The following NFKB1 variants were observed in gnomAD, a reference collection of about 807,000 sequenced individuals.
The protein encoded by NFKB1 is nuclear factor kappa B subunit 1, also known as nuclear factor NF-kappa-B p105 subunit.
A neutral mutation model predicts 105.1 loss-of-function variants in NFKB1; 9 were observed. That is an observed-to-expected ratio of 0.09 (90% confidence interval 0.05 to 0.15). NFKB1 has a LOEUF of 0.15. NFKB1 is among the 10% of genes least tolerant of loss of function. The pLI is 1.00. For missense variants in NFKB1, 830 were observed against 1,203.7 expected, an observed-to-expected ratio of 0.69 and a Z score of 4.59; for synonymous variants, 440 against 442.2, an observed-to-expected ratio of 1.00 and a Z score of 0.06.
At chr4:102,582,749 T>G (rs993311784) in intron 9 of NFKB1, 117 bp from the exon 10 acceptor site, 1 of 577,356 alleles carries the variant, frequency 1.7e-6, no homozygotes, top group Non-Finnish European at 2.9e-6. Context: ...TTGATCTTGT[T>G]TTTTAAAAGT....
At chr4:102,592,732 C>G (rs1726276049) in intron 11 of NFKB1, among the ~76,000 whole-genome samples, 1 of 152,162 alleles carries the variant, frequency 6.6e-6, no homozygotes, top group Non-Finnish European at 1.5e-5. Context: ...ACTAAACTTT[C>G]ACTTCAGCCA....
rs185987863 is a variant in NFKB1, at chr4:102,503,300, A to G, written c.-8+1512A>G. On this transcript the variant is annotated intron_variant, in intron 1 of 23. Coordinates refer to ENST00000226574, the MANE Select transcript of NFKB1 (RefSeq NM_003998.4). ...TTGGAATCTGAGATTATTCATCCAT[A>G]TTGATACACCTGCAATTCCTAAATG... The G allele has an allele frequency of 9.9e-5, 15 of 152,076 alleles. No homozygotes were observed. In the East Asian group the frequency reaches 2.9e-3, roughly 30 times the overall value. The allele number at this position is 152,076 out of a possible 1,614,324, so 9.4% of individuals were successfully genotyped here. A position where few individuals can be genotyped will look rare whatever the true frequency, so the allele number is the denominator to read the frequency against.
rs779124692 is a variant in NFKB1, at chr4:102,607,129, G to A, written c.1955-21G>A. Reference sequence around the variant, plus strand: ...GAGTTAGCCATCCCATCCTGTGACTGTCCCTTTGCTTGGACTCTAGGTCTG... The same window carrying A: ...GAGTTAGCCATCCCATCCTGTGACTATCCCTTTGCTTGGACTCTAGGTCTG... On this transcript the variant is annotated intron_variant, in intron 17 of 23. Coordinates refer to ENST00000226574, the MANE Select transcript of NFKB1 (RefSeq NM_003998.4). 1.9e-6 allele frequency: 3 copies of A among 1,613,888 alleles called. No individual in the cohort carries two copies. In the South Asian group the frequency reaches 3.3e-5, roughly 18 times the overall value.
intron 16 of NFKB1, among the ~76,000 whole-genome samples, chr4:102,602,627 G>A (rs1035086480): frequency 4.0e-5 from 6 of 151,864 alleles, no homozygotes; most frequent in African/African-American, 1.5e-4. Context: ...TTTTACCTGT[G>A]ACTAGGTAAA....
At chr4:102,614,719 C>G (rs766537097) in intron 23 of NFKB1, among the ~76,000 whole-genome samples, 2 of 152,038 alleles carry the variant, frequency 1.3e-5, no homozygotes, top group African/African-American at 4.8e-5. Flanking sequence ...TGACGCCTAC[C>G]TTCAACTTCA....
intron 16 of NFKB1, among the ~76,000 whole-genome samples, chr4:102,606,180 T>A (rs1727702725): frequency 6.6e-6 from 1 of 152,256 alleles, no homozygotes; most frequent in South Asian, 2.1e-4. Context: ...TTAATCATTT[T>A]ATGTTGTAAA....
At chr4:102,549,225 C>A (rs981394752) in intron 5 of NFKB1, among the ~76,000 whole-genome samples, 1 of 151,942 alleles carries the variant, frequency 6.6e-6, no homozygotes, top group Admixed American at 6.6e-5. Flanking sequence ...TTATACACTT[C>A]TGCACAAAAG....
At chr4:102,580,465 C>T in intron 8 of NFKB1, 70 bp from the exon 9 acceptor site, 2 of 1,254,194 alleles carry the variant, frequency 1.6e-6, no homozygotes, top group Non-Finnish European at 2.3e-6. Context: ...AGGGGAGGGT[C>T]CTACCTAAAG....
At chr4:102,584,105 A>C (rs1428725903) in intron 10 of NFKB1, among the ~76,000 whole-genome samples, 1 of 152,196 alleles carries the variant, frequency 6.6e-6, no homozygotes, top group Non-Finnish European at 1.5e-5. Flanking sequence ...AGAATGTCAA[A>C]GAGAATACCA....
intron 18 of NFKB1, 45 bp from the exon 19 acceptor site, chr4:102,607,604 A>G (rs765640905): frequency 1.3e-6 from 2 of 1,595,456 alleles, no homozygotes; most frequent in Non-Finnish European, 1.7e-6. Flanking sequence ...ACAAAAGGGC[A>G]AAAGAACCTT....
chr4:102,570,191 T>C (rs1724212893), intron 6 of NFKB1, among the ~76,000 whole-genome samples: 1 of 151,936 alleles, frequency 6.6e-6, no homozygotes, highest in African/African-American at 2.4e-5. Context: ...GCACTAGGAG[T>C]AGATATATAA....
chr4:102,576,761 A>T (rs1351832032), intron 6 of NFKB1, 115 bp from the exon 7 acceptor site: 24 of 1,104,632 alleles, frequency 2.2e-5, no homozygotes, highest in Non-Finnish European at 3.0e-5. Context: ...GATTTGTATA[A>T]AGCATTGAGG....
Position 102,578,878 on chromosome 4 carries a change from T to C in NFKB1, c.572-3T>C, listed in dbSNP as rs1158700648. ...ATGAATGGACTGTGCTGTATGGCCC[T>C]AGATCGGGAAAAAGAGCTAATCCGC... is the stretch of plus-strand genomic sequence containing the variant. On this transcript the variant is annotated splice_region_variant and splice_polypyrimidine_tract_variant and intron_variant, in intron 7 of 23. Coordinates refer to ENST00000226574, the MANE Select transcript of NFKB1 (RefSeq NM_003998.4). The C allele has an allele frequency of 3.1e-6, 5 of 1,613,960 alleles. No individual in the cohort carries two copies. Among genetic ancestry groups the C allele is most frequent in the Middle Eastern group, 3.3e-4 (2 of 6,082 alleles).
intron 5 of NFKB1, among the ~76,000 whole-genome samples, chr4:102,550,657 A>G (rs1264242359): frequency 6.6e-6 from 1 of 152,226 alleles, no homozygotes; most frequent in East Asian, 1.9e-4. Context: ...TAGTTTTAGA[A>G]TGGCTATACC....
chr4:102,564,148 C>CTTTTCAGACGCTTTG (rs1723663656), intron 5 of NFKB1, among the ~76,000 whole-genome samples: 1 of 152,002 alleles, frequency 6.6e-6, no homozygotes, highest in South Asian at 2.1e-4. Flanking sequence ...TAAGAGCCTG[C>CTTTTCAGACGCTTTG]AATGTTCAGA....
chr4:102,577,935 G>T, intron 7 of NFKB1: 1 of 985,358 alleles, frequency 1.0e-6, no homozygotes, highest in Non-Finnish European at 1.2e-6. Flanking sequence ...GTATCTTGTT[G>T]CTGCTCCGTG....
intron 5 of NFKB1, among the ~76,000 whole-genome samples, chr4:102,545,234 C>G (rs1305918896): frequency 6.6e-6 from 1 of 152,118 alleles, no homozygotes; most frequent in African/African-American, 2.4e-5. Flanking sequence ...AGTCTTTTCT[C>G]CCCACCCTCC....
chr4:102,540,370 C>G (rs937738827), intron 5 of NFKB1, among the ~76,000 whole-genome samples: 5 of 152,174 alleles, frequency 3.3e-5, no homozygotes, highest in South Asian at 2.1e-4. Context: ...ATATTGCTGC[C>G]TCAGTCACAA....
At chr4:102,506,755 C>T (rs915474825) in intron 1 of NFKB1, among the ~76,000 whole-genome samples, 4 of 152,042 alleles carry the variant, frequency 2.6e-5, no homozygotes, top group Non-Finnish European at 5.9e-5. Flanking sequence ...TTTTATTGAG[C>T]GCTGCTCACT....
Sources: allele counts gnomAD v4.1 joint callset (sites outside exome capture counted in the v4.1 genomes callset), GRCh38; gene constraint gnomAD v4.1.1; transcripts MANE v1.5; gene names NCBI Gene and HGNC (gene_info 2026-07-23, HGNC 2026-07-21).